The following FAM184B variants were observed in gnomAD, a reference collection of about 807,000 sequenced individuals.
The protein encoded by FAM184B is protein FAM184B.
A neutral mutation model predicts 135.9 loss-of-function variants in FAM184B; 111 were observed. The ratio of observed to expected loss-of-function variants is 0.82; its 90% CI spans 0.70 to 0.96. FAM184B has a LOEUF of 0.96. Among genes scored for constraint, FAM184B ranks in the 40% least tolerant of loss-of-function variants. The probability of loss-of-function intolerance (pLI) is 0.00; values close to 1 mark genes in which losing one functional copy is unlikely to be tolerated. For synonymous variants in FAM184B, 552 were observed against 524.8 expected (o/e 1.05, Z -0.71); for missense variants, 1,375 against 1,323.9 (o/e 1.04, Z -0.60).
chr4:17,660,339 A>G (rs73800328), intron 8 of FAM184B, among the ~76,000 whole-genome samples: 1 of 149,028 alleles, frequency 6.7e-6, no homozygotes, highest in African/African-American at 2.6e-5. Flanking sequence ...AGCAGGAACC[A>G]CCTGATATCT....
intron 11 of FAM184B, 70 bp from the exon 12 acceptor site, chr4:17,647,861 G>T: frequency 1.5e-5 from 22 of 1,475,708 alleles, no homozygotes; most frequent in Non-Finnish European, 1.8e-5. Flanking sequence ...GGGGACAACA[G>T]TCTCTGGGGT....
intron 3 of FAM184B, 46 bp downstream of exon 3, chr4:17,707,603 C>A (rs1339943152): frequency 1.3e-6 from 2 of 1,546,562 alleles, no homozygotes; most frequent in East Asian, 2.4e-5. Flanking sequence ...ACCAACCTGG[C>A]AGCTAACCTT....
intron 1 of FAM184B, among the ~76,000 whole-genome samples, chr4:17,736,816 G>A (rs1717920133): frequency 6.6e-6 from 1 of 152,154 alleles, no homozygotes; most frequent in Admixed American, 6.5e-5. Context: ...GCTGCCATGT[G>A]CCCAGAAAAC....
intron 1 of FAM184B, among the ~76,000 whole-genome samples, chr4:17,739,555 G>GTTCTTTTTTTTTT (rs1717979952): frequency 1.6e-5 from 1 of 62,510 alleles, no homozygotes; most frequent in African/African-American, 6.2e-5. Flanking sequence ...CATACCAACT[G>GTTCTTTTTTTTTT]TTTTTTTTTT....
At chr4:17,639,717 C>T (rs1436888928) in intron 13 of FAM184B, among the ~76,000 whole-genome samples, 1 of 152,038 alleles carries the variant, frequency 6.6e-6, no homozygotes, top group East Asian at 1.9e-4. Flanking sequence ...TTGGGACAGG[C>T]GGGGAGGCAA....
intron 1 of FAM184B, among the ~76,000 whole-genome samples, chr4:17,765,140 G>C (rs1718631734): frequency 1.3e-5 from 2 of 152,330 alleles, no homozygotes; most frequent in South Asian, 4.1e-4. Flanking sequence ...CTAGTATTTG[G>C]ATGGTGGGAG....
At chr4:17,742,764 A>G (rs1290228697) in intron 1 of FAM184B, among the ~76,000 whole-genome samples, 1 of 152,192 alleles carries the variant, frequency 6.6e-6, no homozygotes, top group Non-Finnish European at 1.5e-5. Flanking sequence ...ATCACTCAAT[A>G]AAGTCTTCCA....
intron 1 of FAM184B, among the ~76,000 whole-genome samples, chr4:17,738,767 G>T (rs1422980288): frequency 2.6e-5 from 4 of 152,138 alleles, no homozygotes; most frequent in South Asian, 4.1e-4. Flanking sequence ...TTGGGTCATG[G>T]GAGTGGCTCA....
intron 1 of FAM184B, among the ~76,000 whole-genome samples, chr4:17,750,984 C>A (rs1257563713): frequency 6.6e-6 from 1 of 152,096 alleles, no homozygotes; most frequent in Non-Finnish European, 1.5e-5. Context: ...TGCTGAAGGA[C>A]TTCTGAGAAA....
chr4:17,685,088 A>G (rs1246457590), intron 7 of FAM184B, among the ~76,000 whole-genome samples: 3 of 151,536 alleles, frequency 2.0e-5, no homozygotes, highest in Admixed American at 6.6e-5. Flanking sequence ...AAGATCTAAT[A>G]CATGCTGGGC....
At chr4:17,728,545 G>C (rs113340734) in intron 1 of FAM184B, among the ~76,000 whole-genome samples, 1 of 152,112 alleles carries the variant, frequency 6.6e-6, no homozygotes, top group Non-Finnish European at 1.5e-5. Context: ...TCCGTCTCTC[G>C]GGGCAGTCAG....
At chr4:17,742,168 A>ATTTTTAT in intron 1 of FAM184B, among the ~76,000 whole-genome samples, 1 of 109,298 alleles carries the variant, frequency 9.1e-6, no homozygotes, top group African/African-American at 4.8e-5. Context: ...ATATATATAT[A>ATTTTTAT]TTTTTTTTTT....
chr4:17,679,799 TA>T (rs34656380), intron 7 of FAM184B, among the ~76,000 whole-genome samples: 86,792 of 151,670 alleles, frequency 0.57, 25,771 homozygotes, highest in East Asian at 0.82. Context: ...AATGAGTGGT[TA>T]AAAAAAAATT....
rs114274949 is a variant in FAM184B at position 17,664,731 on chromosome 4, C to T, written c.1597-72G>A. On this transcript the variant is annotated intron_variant, in intron 7 of 17. Transcript: ENST00000265018. Reference sequence around the variant, plus strand: ...CTTAAGTACAGCTTCATGATTCAACCTGTGGCTTATTCAAATCAGAGAGCA... The same window carrying T: ...CTTAAGTACAGCTTCATGATTCAACTTGTGGCTTATTCAAATCAGAGAGCA... The T allele has an allele frequency of 6.1e-3, 7,729 of 1,273,176 alleles. 37 individuals are homozygous for T. Among genetic ancestry groups the T allele is most frequent in the Non-Finnish European group, 7.4e-3 (6,832 of 927,230 alleles). 78.9% of individuals were successfully genotyped at this position (1,273,176 alleles called of 1,614,324 possible). A position where few individuals can be genotyped will look rare whatever the true frequency, so the allele number is the denominator to read the frequency against.
At chr4:17,637,729 T>TTA (rs1352200847) in intron 14 of FAM184B, among the ~76,000 whole-genome samples, 1 of 152,204 alleles carries the variant, frequency 6.6e-6, no homozygotes, top group Non-Finnish European at 1.5e-5. Flanking sequence ...TTAAACTGAA[T>TTA]TAATGCTGCC....
intron 1 of FAM184B, among the ~76,000 whole-genome samples, chr4:17,717,057 T>A (rs1560184326): frequency 6.6e-6 from 1 of 152,014 alleles, no homozygotes. Context: ...GTGATACACC[T>A]GCCTCAGCCT....
chr4:17,756,707 C>T (rs1718432442), intron 1 of FAM184B, among the ~76,000 whole-genome samples: 1 of 152,138 alleles, frequency 6.6e-6, no homozygotes, highest in East Asian at 1.9e-4. Flanking sequence ...GGCAGATCAC[C>T]TGAGGTCAGG....
intron 10 of FAM184B, among the ~76,000 whole-genome samples, chr4:17,657,522 C>T (rs545451271): frequency 1.2e-4 from 19 of 152,294 alleles, no homozygotes; most frequent in African/African-American, 2.6e-4. Flanking sequence ...CTGAGAAAGC[C>T]GTGTTTAAGC....
intron 11 of FAM184B, among the ~76,000 whole-genome samples, chr4:17,652,054 AATG>A (rs552273890): frequency 2.6e-5 from 4 of 152,032 alleles, no homozygotes; most frequent in East Asian, 1.9e-4. Context: ...ATGCAATAAT[AATG>A]ATGATGATGA....
Sources: allele counts gnomAD v4.1 joint callset (sites outside exome capture counted in the v4.1 genomes callset), GRCh38; gene constraint gnomAD v4.1.1; transcripts MANE v1.5; gene names NCBI Gene and HGNC (gene_info 2026-07-23, HGNC 2026-07-21).